Variants in FHIT observed in about 807,000 individuals in gnomAD.
FHIT encodes bis(5'-adenosyl)-triphosphatase.
A neutral mutation model predicts 17.9 loss-of-function variants in FHIT; 19 were observed. The observed-to-expected ratio is 1.06, with a 90% CI of 0.74 to 1.56. The LOEUF (loss-of-function observed/expected upper bound fraction) is 1.56. FHIT is among the 40% of genes most tolerant of loss of function. The pLI, the probability that FHIT is intolerant of heterozygous loss-of-function variation, is 0.00. For synonymous variants in FHIT, 81 were observed against 69.7 expected (o/e 1.16, Z -0.81); for missense variants, 248 against 189.2 (o/e 1.31, Z -1.82).
chr3:60,242,469 T>G (rs1229000718), intron 5 of FHIT, among the ~76,000 whole-genome samples: 2 of 152,098 alleles, frequency 1.3e-5, no homozygotes, highest in African/African-American at 4.8e-5. Flanking sequence ...TGTGTATGTA[T>G]GTTTGCTTCT....
chr3:60,344,468 T>C (rs769141834), intron 5 of FHIT, among the ~76,000 whole-genome samples: 2 of 152,196 alleles, frequency 1.3e-5, no homozygotes, highest in Non-Finnish European at 2.9e-5. Flanking sequence ...TTGAGAAAAG[T>C]CACTCGTGTC....
chr3:60,523,562 T>C (rs1003163124), intron 5 of FHIT, among the ~76,000 whole-genome samples: 2 of 152,164 alleles, frequency 1.3e-5, no homozygotes, highest in Non-Finnish European at 2.9e-5. Flanking sequence ...GAAGCCAAGA[T>C]GATAAAGCCA....
At chr3:60,316,403 A>G (rs1480884811) in intron 5 of FHIT, among the ~76,000 whole-genome samples, 4 of 152,184 alleles carry the variant, frequency 2.6e-5, no homozygotes, top group Non-Finnish European at 4.4e-5. Flanking sequence ...AACTTTAGTA[A>G]TAAACTTAGG....
intron 4 of FHIT, among the ~76,000 whole-genome samples, chr3:60,611,610 T>C (rs2038788079): frequency 6.6e-6 from 1 of 152,144 alleles, no homozygotes; most frequent in African/African-American, 2.4e-5. Context: ...TACATAGTAT[T>C]TTGCCATCTG....
chr3:61,165,985 T>G (rs1262896203), intron 2 of FHIT, among the ~76,000 whole-genome samples: 2 of 152,176 alleles, frequency 1.3e-5, no homozygotes, highest in Non-Finnish European at 2.9e-5. Context: ...TCTAGATTCT[T>G]AAGGCCTGGA....
intron 5 of FHIT, among the ~76,000 whole-genome samples, chr3:60,525,224 C>T (rs189261206): frequency 1.3e-5 from 2 of 152,050 alleles, no homozygotes; most frequent in Admixed American, 1.3e-4. Context: ...TAAGAGCATG[C>T]CAAATTTAGA....
At chr3:61,159,153 T>G (rs1368814372) in intron 2 of FHIT, among the ~76,000 whole-genome samples, 3 of 152,228 alleles carry the variant, frequency 2.0e-5, no homozygotes, top group Non-Finnish European at 4.4e-5. Context: ...ATAATTTTGG[T>G]CACCTCCCAT....
intron 5 of FHIT, among the ~76,000 whole-genome samples, chr3:60,477,989 G>T (rs980296027): frequency 6.6e-6 from 1 of 152,140 alleles, no homozygotes. Context: ...GAGATTCTTT[G>T]CTGGGTAATA....
chr3:60,292,471 C>G (rs1254467415), intron 5 of FHIT, among the ~76,000 whole-genome samples: 3 of 152,108 alleles, frequency 2.0e-5, no homozygotes, highest in African/African-American at 7.2e-5. Flanking sequence ...CCGTCCATTT[C>G]TCTTGAGGTT....
At chr3:60,926,759 T>C (rs1553770052) in intron 3 of FHIT, among the ~76,000 whole-genome samples, 6 of 152,026 alleles carry the variant, frequency 3.9e-5, no homozygotes, top group Non-Finnish European at 8.8e-5. Flanking sequence ...AATCAATGAA[T>C]CCAGGAGCTG....
intron 5 of FHIT, among the ~76,000 whole-genome samples, chr3:60,059,955 T>C (rs1306678746): frequency 6.6e-6 from 1 of 152,224 alleles, no homozygotes; most frequent in Non-Finnish European, 1.5e-5. Flanking sequence ...TTTGAACTTA[T>C]AAGCATTAAC....
intron 4 of FHIT, among the ~76,000 whole-genome samples, chr3:60,802,993 T>C (rs550949188): frequency 6.6e-6 from 1 of 152,190 alleles, no homozygotes; most frequent in Non-Finnish European, 1.5e-5. Flanking sequence ...GACAATGGGA[T>C]GTTTGCCAAA....
chr3:60,652,928 C>CAAAAA, intron 4 of FHIT, among the ~76,000 whole-genome samples: 1 of 148,098 alleles, frequency 6.8e-6, no homozygotes, highest in Admixed American at 6.8e-5. Context: ...CAAAACAAAA[C>CAAAAA]AAAACAAAAC....
At chr3:59,799,525 G>A (rs577319123) in intron 8 of FHIT, among the ~76,000 whole-genome samples, 26 of 152,282 alleles carry the variant, frequency 1.7e-4, no homozygotes, top group African/African-American at 7.2e-5. Context: ...AAACAGCAAC[G>A]TGTCTGGAAA....
intron 5 of FHIT, among the ~76,000 whole-genome samples, chr3:60,483,769 A>G (rs957506422): frequency 2.6e-5 from 4 of 152,122 alleles, no homozygotes; most frequent in Non-Finnish European, 4.4e-5. Context: ...AAACTGATAC[A>G]AACAAGGACA....
intron 5 of FHIT, among the ~76,000 whole-genome samples, chr3:60,509,691 C>G (rs1411833481): frequency 3.3e-5 from 5 of 152,198 alleles, no homozygotes; most frequent in African/African-American, 1.2e-4. Context: ...TTTACATTTT[C>G]ATATTGCCTT....
chr3:60,584,777 C>T (rs1260719630), intron 4 of FHIT, among the ~76,000 whole-genome samples: 7 of 151,924 alleles, frequency 4.6e-5, no homozygotes, highest in African/African-American at 1.7e-4. Context: ...TATCCATGAG[C>T]CTATTCCCTT....
chr3:60,151,080 C>T (rs772045192), intron 5 of FHIT, among the ~76,000 whole-genome samples: 4 of 152,082 alleles, frequency 2.6e-5, no homozygotes, highest in Non-Finnish European at 5.9e-5. Flanking sequence ...CATCTTTTCA[C>T]GGTTTTAGTG....
intron 5 of FHIT, among the ~76,000 whole-genome samples, chr3:60,039,194 G>A (rs553981674): frequency 2.6e-5 from 4 of 152,240 alleles, no homozygotes; most frequent in South Asian, 4.1e-4. Context: ...ATCATATATT[G>A]CCTTGAGGTT....
Sources: gnomAD v4.1 joint callset for allele counts (sites outside exome capture counted in the v4.1 genomes callset) on GRCh38, gnomAD v4.1.1 for gene constraint, MANE v1.5 for transcripts, NCBI Gene and HGNC (gene_info 2026-07-23, HGNC 2026-07-21) for gene names.